Variants in ARK2N observed in about 807,000 individuals in gnomAD.
ARK2N encodes the protein arkadia (RNF111) N-terminal like PKA signaling regulator 2N, also known as protein ARK2N.
chr18:46,259,772 C>CTGTG, the ARK2N span, among the ~76,000 whole-genome samples: 54,762 of 104,664 alleles, frequency 0.52, 17,025 homozygotes, highest in Admixed American at 0.65. Context: ...CACCCAGCTA[C>CTGTG]TGTGTGTGTG....
the ARK2N span, chr18:46,219,347 C>T: frequency 6.6e-6 from 1 of 151,940 alleles, no homozygotes; most frequent in Non-Finnish European, 1.5e-5. Flanking sequence ...GCAGTACTTT[C>T]ATTTGGCAGA....
chr18:46,178,153 G>C, the ARK2N span, among the ~76,000 whole-genome samples: 1 of 152,150 alleles, frequency 6.6e-6, no homozygotes, highest in Non-Finnish European at 1.5e-5. Flanking sequence ...AGTGGGGCCA[G>C]TGCCTTGAGT....
At chr18:46,243,240 A>G in the ARK2N span, among the ~76,000 whole-genome samples, 4 of 152,248 alleles carry the variant, frequency 2.6e-5, no homozygotes, top group Admixed American at 2.6e-4. Context: ...ATTTATGCTT[A>G]GGAGCCAGTT....
the ARK2N span, among the ~76,000 whole-genome samples, chr18:46,229,504 C>T: frequency 4.6e-5 from 7 of 151,862 alleles, no homozygotes; most frequent in Admixed American, 6.6e-5. Flanking sequence ...CCTGCCACCA[C>T]GCCCGGCTAA....
chr18:46,183,863 G>A, the ARK2N span, among the ~76,000 whole-genome samples: 3 of 152,066 alleles, frequency 2.0e-5, no homozygotes, highest in Non-Finnish European at 2.9e-5. Flanking sequence ...TTGCTCTGTC[G>A]CCCAGGCTGG....
At chr18:46,220,805 A>ACATACTGCCATACTGC in the ARK2N span, among the ~76,000 whole-genome samples, 3 of 152,158 alleles carry the variant, frequency 2.0e-5, no homozygotes, top group Non-Finnish European at 2.9e-5. Context: ...GCTCTTGACC[A>ACATACTGCCATACTGC]CATACTGCCA....
the ARK2N span, among the ~76,000 whole-genome samples, chr18:46,189,857 CTG>C: frequency 6.6e-6 from 1 of 151,908 alleles, no homozygotes; most frequent in African/African-American, 2.4e-5. Context: ...GAGTGAGACA[CTG>C]TCTCAAAAAA....
At chr18:46,203,317 A>C in the ARK2N span, among the ~76,000 whole-genome samples, 1 of 152,212 alleles carries the variant, frequency 6.6e-6, no homozygotes, top group Non-Finnish European at 1.5e-5. Flanking sequence ...GATGAAAATA[A>C]GCTGCTGTTG....
At chr18:46,189,330 G>A in the ARK2N span, among the ~76,000 whole-genome samples, 1 of 151,912 alleles carries the variant, frequency 6.6e-6, no homozygotes, top group Non-Finnish European at 1.5e-5. Context: ...TGTATGAAAT[G>A]TAGATGTGCT....
the ARK2N span, among the ~76,000 whole-genome samples, chr18:46,224,136 G>C: frequency 6.6e-6 from 1 of 152,148 alleles, no homozygotes; most frequent in African/African-American, 2.4e-5. Context: ...TGTTTGGAAA[G>C]TGCTGGATTA....
chr18:46,254,952 A>C, the ARK2N span, among the ~76,000 whole-genome samples: 1 of 151,690 alleles, frequency 6.6e-6, no homozygotes, highest in Admixed American at 6.6e-5. Context: ...TTTTGTATAA[A>C]GCAAACAACT....
chr18:46,223,150 C>T, the ARK2N span, among the ~76,000 whole-genome samples: 1 of 152,120 alleles, frequency 6.6e-6, no homozygotes, highest in Non-Finnish European at 1.5e-5. Context: ...AGGAGCCATC[C>T]GATTTCCTGT....
chr18:46,196,077 T>C, the ARK2N span, among the ~76,000 whole-genome samples: 56 of 151,706 alleles, frequency 3.7e-4, no homozygotes, highest in African/African-American at 1.3e-3. Context: ...GCCTCCCGGG[T>C]TCAAGCGATT....
chr18:46,228,828 C>T, the ARK2N span: 1 of 398,554 alleles, frequency 2.5e-6, no homozygotes. Flanking sequence ...ACCTTGGCCT[C>T]TCAAAGTGCT....
At chr18:46,210,258 A>G in the ARK2N span, among the ~76,000 whole-genome samples, 1 of 152,348 alleles carries the variant, frequency 6.6e-6, no homozygotes, top group African/African-American at 2.4e-5. Flanking sequence ...GACAGACTAG[A>G]AAACTATTAA....
chr18:46,250,682 ACGTCACCCCT>A, the ARK2N span, among the ~76,000 whole-genome samples: 3 of 152,088 alleles, frequency 2.0e-5, no homozygotes, highest in Non-Finnish European at 2.9e-5. Context: ...AAACCAGATG[ACGTCACCCCT>A]CTGCTTACCC....
chr18:46,242,520 G>A, the ARK2N span, among the ~76,000 whole-genome samples: 2 of 152,150 alleles, frequency 1.3e-5, no homozygotes, highest in South Asian at 2.1e-4. Context: ...GAAATAAAAC[G>A]TGGTAAAAGT....
At chr18:46,260,843 G>C in the ARK2N span, among the ~76,000 whole-genome samples, 1 of 152,168 alleles carries the variant, frequency 6.6e-6, no homozygotes, top group Non-Finnish European at 1.5e-5. Flanking sequence ...CCAGTTCTAT[G>C]CTTAACTTGT....
At chr18:46,245,434 T>C in the ARK2N span, among the ~76,000 whole-genome samples, 5 of 151,800 alleles carry the variant, frequency 3.3e-5, no homozygotes, top group African/African-American at 9.7e-5. Flanking sequence ...CTGGGCACGG[T>C]GGCGTGGGCT....
Sources: allele counts gnomAD v4.1 joint callset (sites outside exome capture counted in the v4.1 genomes callset), GRCh38; gene constraint gnomAD v4.1.1; transcripts MANE v1.5; gene names NCBI Gene and HGNC (gene_info 2026-07-23, HGNC 2026-07-21).